The following PLD5 variants were observed in gnomAD, a reference collection of about 807,000 sequenced individuals.
PLD5 encodes the protein phospholipase D family member 5, also known as inactive phospholipase D5.
Under a neutral mutation model 61.1 loss-of-function variants are expected in PLD5, and 36 were observed. That is an observed-to-expected ratio of 0.59 (90% CI 0.45 to 0.78). The LOEUF is 0.78. Ranked by LOEUF, PLD5 falls within the 30% of genes least tolerant of loss-of-function variation. PLD5 has a pLI of 0.00. For missense variants in PLD5, 515 were observed against 644.4 expected (o/e 0.80, Z 2.17); for synonymous variants, 243 against 242.8 (o/e 1.00, Z -0.01).
chr1:242,357,026 G>T lies in PLD5; in HGVS notation c.190-8784C>A, dbSNP rs190804267. Among the ~76,000 whole-genome samples the T allele has an allele frequency of 5.4e-3, 792 of 147,126 alleles. 4 individuals are homozygous for T. Among genetic ancestry groups the T allele is most frequent in the Middle Eastern group, 0.04 (11 of 276 alleles). Reference sequence around the variant, plus strand: ...TATTATGTATACCATTAGGTTTTGTGCTTTTCTAAATGTTATGTTACTAGT... The same window carrying T: ...TATTATGTATACCATTAGGTTTTGTTCTTTTCTAAATGTTATGTTACTAGT... On this transcript the variant is annotated intron_variant, in intron 1 of 9. Transcript: ENST00000536534.
intron 1 of PLD5, among the ~76,000 whole-genome samples, chr1:242,432,339 A>G (rs1294215962): frequency 6.6e-6 from 1 of 152,204 alleles, no homozygotes; most frequent in Non-Finnish European, 1.5e-5. Flanking sequence ...ATTCATTCCT[A>G]TTGGAAATCA....
At chr1:242,396,412 G>T (rs1026436326) in intron 1 of PLD5, among the ~76,000 whole-genome samples, 1 of 152,064 alleles carries the variant, frequency 6.6e-6, no homozygotes, top group Non-Finnish European at 1.5e-5. Flanking sequence ...ACCCCACTTT[G>T]CCCTCCAGCT....
chr1:242,501,857 TTGA>T (rs1668566441), intron 1 of PLD5, among the ~76,000 whole-genome samples: 1 of 151,790 alleles, frequency 6.6e-6, no homozygotes, highest in Admixed American at 6.6e-5. Context: ...CATTTATTTT[TTGA>T]TGATATATTA....
intron 1 of PLD5, among the ~76,000 whole-genome samples, chr1:242,502,886 C>A (rs1668600998): frequency 1.3e-5 from 2 of 152,038 alleles, no homozygotes; most frequent in Non-Finnish European, 2.9e-5. Context: ...CATGACAAAA[C>A]CCTGTCTCTA....
chr1:242,224,572 A>C (rs1213741935), intron 4 of PLD5, among the ~76,000 whole-genome samples: 9 of 152,172 alleles, frequency 5.9e-5, no homozygotes, highest in Non-Finnish European at 1.2e-4. Context: ...CACGGGGGTT[A>C]TTCAAGCTTA....
intron 2 of PLD5, among the ~76,000 whole-genome samples, chr1:242,293,329 C>T (rs1675477470): frequency 6.6e-6 from 1 of 152,200 alleles, no homozygotes; most frequent in African/African-American, 2.4e-5. Flanking sequence ...ACCCTTTCTA[C>T]AGTTTCTACA....
chr1:242,156,195 A>G (rs1366719741), intron 5 of PLD5, among the ~76,000 whole-genome samples: 1 of 151,854 alleles, frequency 6.6e-6, no homozygotes, highest in Non-Finnish European at 1.5e-5. Context: ...TTTGCTTTCC[A>G]TTTACTTGGT....
chr1:242,336,672 G>T (rs538340469), intron 2 of PLD5, among the ~76,000 whole-genome samples: 21 of 152,200 alleles, frequency 1.4e-4, no homozygotes, highest in African/African-American at 5.1e-4. Flanking sequence ...TGGGCAAGGG[G>T]ACACAGGGCC....
In PLD5 at chr1:242,524,540, G is replaced by GGGGA. The variant is rs1669387472; in HGVS notation, c.-265_-264insTCCC. On this transcript the variant is annotated 5_prime_UTR_variant, in exon 1 of 10. Coordinates refer to ENST00000536534, the MANE Select transcript of PLD5 (RefSeq NM_001372062.1). Reference sequence around the variant, plus strand: ...GGTGCGGGCGGGGGCGGGGGCGGGGGCGGAGGGGGACGGACGGGGAGAAGG... The same window carrying GGGGA: ...GGTGCGGGCGGGGGCGGGGGCGGGGGGGGACGGAGGGGGACGGACGGGGAGAAGG... The GGGGA allele has an allele frequency of 2.7e-5, 3 of 109,690 alleles. No homozygotes were observed. The highest frequency in any genetic ancestry group is 3.8e-5 in the Non-Finnish European group (2 of 52,874). 6.8% of individuals were successfully genotyped at this position (109,690 alleles called of 1,614,324 possible). A position where few individuals can be genotyped will look rare whatever the true frequency, so the allele number is the denominator to read the frequency against.
chr1:242,445,259 AGAGTTG>A (rs1263813590), intron 1 of PLD5, among the ~76,000 whole-genome samples: 1 of 151,666 alleles, frequency 6.6e-6, no homozygotes, highest in Admixed American at 6.6e-5. Context: ...TATTAAGCAG[AGAGTTG>A]GCCCTCACCA....
intron 1 of PLD5, among the ~76,000 whole-genome samples, chr1:242,383,424 T>C (rs1382625221): frequency 6.6e-6 from 1 of 152,222 alleles, no homozygotes; most frequent in East Asian, 1.9e-4. Flanking sequence ...TCTTTTTCCT[T>C]GTTTTTCATT....
At position 242,234,441 on chromosome 1, in the gene PLD5, G is replaced by T. The variant is rs576505784; in HGVS notation, c.608-14326C>A. On this transcript the variant is annotated intron_variant, in intron 4 of 9. Transcript: ENST00000536534. Reference sequence around the variant, plus strand: ...GCATTGAACTTTTTTTTCAGAAAAAGAAATGGGTAAGAGTTAAACCATATA... The same window carrying T: ...GCATTGAACTTTTTTTTCAGAAAAATAAATGGGTAAGAGTTAAACCATATA... Among the ~76,000 whole-genome samples, 4 of 152,178 alleles carry T rather than the reference G, an allele frequency of 2.6e-5. No homozygotes were observed. In the East Asian group the frequency reaches 7.7e-4, roughly 29 times the overall value.
rs760040229 is a variant in PLD5 at position 242,089,220 on chromosome 1, T to C, written c.*634A>G. 3 of 397,982 alleles carry C rather than the reference T, an allele frequency of 7.5e-6. No individual in the cohort carries two copies. The highest frequency in any genetic ancestry group is 2.1e-5 in the African/African-American group (1 of 48,594). 24.7% of individuals were successfully genotyped at this position (397,982 alleles called of 1,614,324 possible). A position where few individuals can be genotyped will look rare whatever the true frequency, so the allele number is the denominator to read the frequency against. On this transcript the variant is annotated 3_prime_UTR_variant, in exon 10 of 10. Transcript: ENST00000536534. ...GATGTTATCATAGTTAGAAGTAATG[T>C]TGAGGTGAATACAGAAAATGCTATA...
rs1659703750 is a variant in PLD5 at position 242,090,087 on chromosome 1, C to A, written c.1378G>T (p.Asp460Tyr). The change falls in exon 10 of 10, where the codon GAT (aspartate) becomes TAT (tyrosine). Residue 460 changes from aspartate (D) to tyrosine (Y), a missense_variant. By Grantham distance (160) the Asp-to-Tyr change is radical (BLOSUM62 -3). This residue lies in a region of PLD5 where 450 missense variants were observed against 598.1 expected (regional missense o/e 0.75). Transcript: ENST00000536534. The part of the protein sequence containing the change: ...YIGNFDWVGN[D>Y]FTQNAGTGLV... ...CCCGTGCCAGCATTCTGAGTGAAATCATTCCCTACCCAATCAAAATTTCCT... is the reference window on the plus strand; with the variant it reads ...CCCGTGCCAGCATTCTGAGTGAAATAATTCCCTACCCAATCAAAATTTCCT... The A allele has an allele frequency of 4.3e-6, 7 of 1,614,038 alleles. No homozygotes were observed. Among genetic ancestry groups the A allele is most frequent in the Non-Finnish European group, 5.1e-6 (6 of 1,180,012 alleles).
chr1:242,470,767 T>C (rs1243137518), intron 1 of PLD5, among the ~76,000 whole-genome samples: 1 of 152,242 alleles, frequency 6.6e-6, no homozygotes, highest in Non-Finnish European at 1.5e-5. Flanking sequence ...TTAAAACTCA[T>C]GTCTACCTTC....
intron 1 of PLD5, among the ~76,000 whole-genome samples, chr1:242,512,006 C>T (rs527738413): frequency 4.5e-4 from 68 of 152,058 alleles, no homozygotes; most frequent in Middle Eastern, 3.4e-3. Context: ...ACGGACATAT[C>T]GTGGGTTGAA....
chr1:242,518,220 A>T (rs778680618), intron 1 of PLD5, among the ~76,000 whole-genome samples: 1 of 152,202 alleles, frequency 6.6e-6, no homozygotes, highest in Non-Finnish European at 1.5e-5. Flanking sequence ...TTGTGATTTT[A>T]GAAACTGGGC....
chr1:242,136,181 C>T lies in PLD5; in HGVS notation c.736-11516G>A, dbSNP rs1007015590. ...TGACCACACATCTAACCTGCATTTT[C>T]CATTCTGGCTTCATGAGTAACTAAC... On this transcript the variant is annotated intron_variant, in intron 5 of 9. Transcript: ENST00000536534. Among the ~76,000 whole-genome samples the T allele has an allele frequency of 5.9e-5, 9 of 152,212 alleles. No individual in the cohort carries two copies. In the South Asian group the frequency reaches 1.4e-3, roughly 24 times the overall value.
intron 5 of PLD5, among the ~76,000 whole-genome samples, chr1:242,169,678 G>A (rs1472590047): frequency 6.6e-6 from 1 of 152,240 alleles, no homozygotes; most frequent in African/African-American, 2.4e-5. Context: ...AACATCCACT[G>A]GCTTGAAATT....
Sources: gnomAD v4.1 joint callset for allele counts (sites outside exome capture counted in the v4.1 genomes callset) on GRCh38, gnomAD v4.1.1 for gene constraint, gnomAD v4.1.1 regional missense constraint, MANE v1.5 for transcripts, NCBI Gene and HGNC (gene_info 2026-07-23, HGNC 2026-07-21) for gene names.